Variants in SUMF1 observed in about 807,000 individuals in gnomAD.
The protein encoded by SUMF1 is formylglycine-generating enzyme.
A neutral mutation model predicts 47.6 loss-of-function variants in SUMF1; 48 were observed. That is an observed-to-expected ratio of 1.01 (90% confidence interval 0.80 to 1.28). The LOEUF is 1.28. Ranked by LOEUF, SUMF1 falls within the 50% of genes most tolerant of loss-of-function variation. The probability of loss-of-function intolerance (pLI) is 0.00; values close to 1 mark genes in which losing one functional copy is unlikely to be tolerated. For missense variants in SUMF1, 571 were observed against 485.4 expected (o/e 1.18, Z -1.66); for synonymous variants, 230 against 192.1 (o/e 1.20, Z -1.63).
chr3:4,207,514 G>A (rs1447892480), intron 8 of SUMF1, among the ~76,000 whole-genome samples: 1 of 152,044 alleles, frequency 6.6e-6, no homozygotes, highest in African/African-American at 2.4e-5. Flanking sequence ...TTTTTACCAT[G>A]AATGTATGTT....
In SUMF1 at chr3:4,179,286, T is replaced by A. The variant is rs1173911537; in HGVS notation, c.1015-110541A>T. On this transcript the variant is annotated intron_variant and NMD_transcript_variant, in intron 8 of 12. Transcript: ENST00000448413. ...CATCACGCTACCTGACTTCAAACTA[T>A]ACTACAAGGCTTCAGTAACCAAAAC... Among the ~76,000 whole-genome samples the A allele has an allele frequency of 3.3e-5, 5 of 152,092 alleles. No individual in the cohort carries two copies. The South Asian group carries it at 1.0e-3, about 31-fold the overall frequency.
At chr3:4,058,148 A>G (rs1695221234) in intron 9 of SUMF1, among the ~76,000 whole-genome samples, 1 of 152,162 alleles carries the variant, frequency 6.6e-6, no homozygotes, top group South Asian at 2.1e-4. Flanking sequence ...AAAACCCAAG[A>G]TCACACAGAT....
At chr3:4,218,883 G>A (rs554352305) in intron 8 of SUMF1, among the ~76,000 whole-genome samples, 1 of 152,264 alleles carries the variant, frequency 6.6e-6, no homozygotes, top group South Asian at 2.1e-4. Context: ...GTTTCAGCAT[G>A]TGTGGGTTTT....
At chr3:4,112,722 G>C (rs1693336589) in intron 8 of SUMF1, among the ~76,000 whole-genome samples, 1 of 152,106 alleles carries the variant, frequency 6.6e-6, no homozygotes, top group African/African-American at 2.4e-5. Context: ...ATCAGCATAA[G>C]TGGAAACAGC....
intron 8 of SUMF1, among the ~76,000 whole-genome samples, chr3:4,257,396 A>G (rs1456978510): frequency 1.1e-3 from 146 of 127,040 alleles, no homozygotes; most frequent in African/African-American, 1.7e-3. Context: ...TTAAGCTGAT[A>G]AGCAACTTCA....
chr3:4,088,122 A>T (rs1692709790), intron 8 of SUMF1, among the ~76,000 whole-genome samples: 2 of 152,144 alleles, frequency 1.3e-5, no homozygotes. Flanking sequence ...ATGGGGATCC[A>T]GGTAGCCTCT....
At chr3:4,443,787 G>A (rs766098049) in intron 3 of SUMF1, among the ~76,000 whole-genome samples, 1 of 151,752 alleles carries the variant, frequency 6.6e-6, no homozygotes, top group Non-Finnish European at 1.5e-5. Flanking sequence ...AGAAAAAAGA[G>A]AGAGAAAAAA....
At chr3:4,320,444 GA>G (rs1260571223) in intron 8 of SUMF1, among the ~76,000 whole-genome samples, 6 of 152,138 alleles carry the variant, frequency 3.9e-5, no homozygotes, top group African/African-American at 1.4e-4. Flanking sequence ...ATTAAGAAGA[GA>G]AAGACCATTT....
At chr3:4,188,371 T>A (rs551566023) in intron 8 of SUMF1, among the ~76,000 whole-genome samples, 1 of 152,252 alleles carries the variant, frequency 6.6e-6, no homozygotes, top group South Asian at 2.1e-4. Context: ...GAAAAATGTC[T>A]AATATAATGG....
intron 3 of SUMF1, among the ~76,000 whole-genome samples, chr3:4,436,081 AG>A (rs1702386655): frequency 6.6e-6 from 1 of 152,234 alleles, no homozygotes; most frequent in Non-Finnish European, 1.5e-5. Flanking sequence ...CAGGAGTTTG[AG>A]ACCAGCCTGG....
At chr3:4,065,448 T>C (rs1695353961) in intron 9 of SUMF1, among the ~76,000 whole-genome samples, 1 of 152,150 alleles carries the variant, frequency 6.6e-6, no homozygotes, top group Non-Finnish European at 1.5e-5. Flanking sequence ...AAAAACCTAA[T>C]TGCATCTGAC....
chr3:4,066,211 T>A (rs1461286658), intron 9 of SUMF1, among the ~76,000 whole-genome samples: 5 of 151,944 alleles, frequency 3.3e-5, no homozygotes, highest in African/African-American at 1.2e-4. Flanking sequence ...ATTCAAAAAT[T>A]GCAAAAATGC....
At chr3:4,360,205 C>CTTTTTTTTTTTTTTTTT, downstream of SUMF1, among the ~76,000 whole-genome samples, 1 of 104,140 alleles carries the variant, frequency 9.6e-6, no homozygotes, top group Non-Finnish European at 2.0e-5. Flanking sequence ...AATGTTTGTT[C>CTTTTTTTTTTTTTTTTT]TTTTTTTTTT....
intron 8 of SUMF1, among the ~76,000 whole-genome samples, chr3:4,263,800 T>C (rs1404911473): frequency 2.0e-5 from 3 of 152,192 alleles, no homozygotes; most frequent in Non-Finnish European, 2.9e-5. Flanking sequence ...CCTTAAATTA[T>C]AGTAGTCTTG....
chr3:4,466,842 G>T, intron 1 of SUMF1, 134 bp downstream of exon 1: 1 of 1,352,116 alleles, frequency 7.4e-7, no homozygotes, highest in Admixed American at 2.4e-5. Context: ...TCCTCATACG[G>T]GAACAGCAGG....
At chr3:4,422,776 T>A (rs1300520985) in intron 3 of SUMF1, among the ~76,000 whole-genome samples, 4 of 151,932 alleles carry the variant, frequency 2.6e-5, no homozygotes, top group African/African-American at 4.8e-5. Context: ...CCTTTTTTTT[T>A]TTAAAAAAAA....
intron 9 of SUMF1, among the ~76,000 whole-genome samples, chr3:4,052,400 T>C (rs1345155744): frequency 1.3e-5 from 2 of 152,212 alleles, no homozygotes; most frequent in Non-Finnish European, 2.9e-5. Flanking sequence ...TGTATTTATC[T>C]GCCCCTTCCT....
chr3:4,428,688 G>T (rs943589795), intron 3 of SUMF1, among the ~76,000 whole-genome samples: 11 of 145,978 alleles, frequency 7.5e-5, no homozygotes, highest in Admixed American at 7.1e-5. Context: ...CGTCTACAGC[G>T]AACATATTTT....
chr3:4,188,857 C>A (rs1695256668), intron 8 of SUMF1, among the ~76,000 whole-genome samples: 1 of 152,150 alleles, frequency 6.6e-6, no homozygotes, highest in African/African-American at 2.4e-5. Context: ...CAAGGGCTAT[C>A]ATAAGTGTTT....
Sources: gnomAD v4.1 joint callset for allele counts (sites outside exome capture counted in the v4.1 genomes callset) on GRCh38, gnomAD v4.1.1 for gene constraint, MANE v1.5 for transcripts, NCBI Gene and HGNC (gene_info 2026-07-23, HGNC 2026-07-21) for gene names.